The following CLOCK variants were observed in gnomAD, a reference collection of about 807,000 sequenced individuals.
The protein encoded by CLOCK is clock circadian regulator, also known as circadian locomoter output cycles protein kaput.
In CLOCK, 43 loss-of-function variants were observed where a neutral mutation model predicts 118.4. The observed-to-expected ratio is 0.36, with a 90% CI of 0.28 to 0.47. The LOEUF (loss-of-function observed/expected upper bound fraction) is 0.47, where lower values mean the gene tolerates loss of function less well. CLOCK is among the 20% of genes least tolerant of loss of function. The pLI, the probability that CLOCK is intolerant of heterozygous loss-of-function variation, is 1.00. For missense variants in CLOCK, 846 were observed against 999.9 expected (o/e 0.85, Z 2.08); for synonymous variants, 326 against 339.2 (o/e 0.96, Z 0.43).
At position 55,450,188 on chromosome 4, in the gene CLOCK, G is replaced by C; in HGVS notation, c.1251C>G (p.Leu417=). 1.9e-6 allele frequency: 3 copies of C among 1,613,988 alleles called. No individual in the cohort carries two copies. The highest frequency in any genetic ancestry group is 2.5e-6 in the Non-Finnish European group (3 of 1,179,970). ...GSDNRINTVS[L]KEALERFDHS... is the part of the protein sequence containing the mutation. Reference sequence around the variant, plus strand: ...GATCAAACCTTTCCAATGCTTCCTTGAGACTGACTGTGTTTATACGATTAT... The same window carrying C: ...GATCAAACCTTTCCAATGCTTCCTTCAGACTGACTGTGTTTATACGATTAT... Residue 417 remains leucine, a synonymous_variant, in exon 16 of 23, where the codon CTC becomes CTG. Coordinates refer to ENST00000513440, the MANE Select transcript of CLOCK (RefSeq NM_004898.4).
intron 1 of CLOCK, among the ~76,000 whole-genome samples, chr4:55,536,219 A>C (rs551827962): frequency 5.3e-5 from 8 of 152,324 alleles, no homozygotes; most frequent in African/African-American, 1.9e-4. Flanking sequence ...CTTTGAAATG[A>C]ATGCCTTAGA....
chr4:55,494,725 T>C (rs989766872), intron 2 of CLOCK, among the ~76,000 whole-genome samples: 1 of 152,152 alleles, frequency 6.6e-6, no homozygotes, highest in African/African-American at 2.4e-5. Flanking sequence ...ATGATAATTC[T>C]TTTAAAAAGA....
intron 2 of CLOCK, among the ~76,000 whole-genome samples, chr4:55,502,520 T>TA (rs1284236831): frequency 6.6e-6 from 1 of 152,140 alleles, no homozygotes; most frequent in African/African-American, 2.4e-5. Context: ...TAAAATGAAC[T>TA]ATGAGGCTTA....
At chr4:55,512,904 C>T (rs921956338) in intron 1 of CLOCK, among the ~76,000 whole-genome samples, 15 of 152,018 alleles carry the variant, frequency 9.9e-5, no homozygotes, top group African/African-American at 3.4e-4. Context: ...CAGGACAGAC[C>T]GTATATATGA....
chr4:55,502,562 T>C (rs1728510146), intron 2 of CLOCK, among the ~76,000 whole-genome samples: 1 of 152,184 alleles, frequency 6.6e-6, no homozygotes. Flanking sequence ...AATGCAATAG[T>C]TGTAACAGTC....
At chr4:55,546,494 G>T (rs962159778) in intron 1 of CLOCK, 1 of 147,202 alleles carries the variant, frequency 6.8e-6, no homozygotes, top group South Asian at 2.2e-4. Context: ...TGTGGCTTGC[G>T]GCGGCTCCGG....
chr4:55,497,687 T>C (rs1342691415), intron 2 of CLOCK, among the ~76,000 whole-genome samples: 2 of 152,224 alleles, frequency 1.3e-5, no homozygotes, highest in Non-Finnish European at 2.9e-5. Context: ...TCAGGCTGCA[T>C]GCGTTCAACT....
chr4:55,487,611 T>C (rs1417667190), intron 3 of CLOCK, among the ~76,000 whole-genome samples: 2 of 152,144 alleles, frequency 1.3e-5, no homozygotes, highest in Admixed American at 6.5e-5. Context: ...TCCAGACTTC[T>C]GCTAAGATAG....
At chr4:55,542,199 G>A (rs566130815) in intron 1 of CLOCK, among the ~76,000 whole-genome samples, 21 of 151,560 alleles carry the variant, frequency 1.4e-4, no homozygotes, top group African/African-American at 4.6e-4. Flanking sequence ...AAAATTAGCC[G>A]GGTGTGGTGG....
At chr4:55,514,133 TC>T (rs2110037167) in intron 1 of CLOCK, among the ~76,000 whole-genome samples, 1 of 152,230 alleles carries the variant, frequency 6.6e-6, no homozygotes, top group African/African-American at 2.4e-5. Context: ...AGCTAGAACT[TC>T]CAGTATGATG....
In CLOCK at chr4:55,429,917, G is replaced by C. The variant is rs1161079433; in HGVS notation, c.*5498C>G. On this transcript the variant is annotated 3_prime_UTR_variant, in exon 23 of 23. Coordinates refer to ENST00000513440, the MANE Select transcript of CLOCK (RefSeq NM_004898.4). ...TCCTGAAGTAAAGTAGATTCAGACT[G>C]TCCGTAAAGATTATCATGAGAGTTG... 3 of 152,190 alleles carry C rather than the reference G, an allele frequency of 2.0e-5. No individual in the cohort carries two copies. The highest frequency in any genetic ancestry group is 2.9e-5 in the Non-Finnish European group (2 of 68,036). 9.4% of individuals were successfully genotyped at this position (152,190 alleles called of 1,614,324 possible). A position where few individuals can be genotyped will look rare whatever the true frequency, so the allele number is the denominator to read the frequency against.
At chr4:55,450,276 C>T (rs748955747) in intron 15 of CLOCK, 44 bp from the exon 16 acceptor site, 1 of 1,611,476 alleles carries the variant, frequency 6.2e-7, no homozygotes, top group Non-Finnish European at 8.5e-7. Flanking sequence ...TGGTTCAGTT[C>T]AGAGATCTCA....
chr4:55,543,950 A>G (rs1731445493), intron 1 of CLOCK, among the ~76,000 whole-genome samples: 1 of 152,224 alleles, frequency 6.6e-6, no homozygotes, highest in Non-Finnish European at 1.5e-5. Flanking sequence ...AATACTGGTA[A>G]TATTACAAAA....
chr4:55,519,685 G>C (rs1054379877), intron 1 of CLOCK, among the ~76,000 whole-genome samples: 1 of 152,134 alleles, frequency 6.6e-6, no homozygotes, highest in Non-Finnish European at 1.5e-5. Flanking sequence ...AGCTGAGGCA[G>C]GAGAACCAAT....
At chr4:55,493,622 G>A (rs1727862606) in intron 2 of CLOCK, among the ~76,000 whole-genome samples, 1 of 152,212 alleles carries the variant, frequency 6.6e-6, no homozygotes, top group East Asian at 1.9e-4. Flanking sequence ...TTTTAGATTC[G>A]TTGTTTAATG....
chr4:55,519,982 T>C (rs566826378), intron 1 of CLOCK, among the ~76,000 whole-genome samples: 1 of 152,208 alleles, frequency 6.6e-6, no homozygotes, highest in South Asian at 2.1e-4. Flanking sequence ...ACTCTTTCCC[T>C]ATTAGGGCCC....
At chr4:55,490,566 C>G (rs908966217) in intron 2 of CLOCK, among the ~76,000 whole-genome samples, 2 of 152,030 alleles carry the variant, frequency 1.3e-5, no homozygotes, top group African/African-American at 4.8e-5. Flanking sequence ...AATATTAATA[C>G]CAAAATCTGC....
chr4:55,475,293 G>A (rs751452009), intron 7 of CLOCK, among the ~76,000 whole-genome samples: 40 of 152,208 alleles, frequency 2.6e-4, no homozygotes, highest in Admixed American at 9.2e-4. Flanking sequence ...GCTGCAATCT[G>A]CTAATAAACC....
chr4:55,474,402 A>G (rs534486536), intron 7 of CLOCK, among the ~76,000 whole-genome samples: 1 of 152,320 alleles, frequency 6.6e-6, no homozygotes, highest in African/African-American at 2.4e-5. Context: ...CCATAACATA[A>G]AAGTGCAAGG....
Sources: allele counts gnomAD v4.1 joint callset (sites outside exome capture counted in the v4.1 genomes callset), GRCh38; gene constraint gnomAD v4.1.1; transcripts MANE v1.5; gene names NCBI Gene and HGNC (gene_info 2026-07-23, HGNC 2026-07-21).